The following PALM2AKAP2 variants were observed in gnomAD, a reference collection of about 807,000 sequenced individuals.
The protein encoded by PALM2AKAP2 is PALM2 and AKAP2 fusion.
A neutral mutation model predicts 71.5 loss-of-function variants in PALM2AKAP2; 37 were observed. The observed-to-expected ratio is 0.52, with a 90% CI of 0.40 to 0.68. PALM2AKAP2 has a LOEUF of 0.68. Ranked by LOEUF, PALM2AKAP2 falls within the 30% of genes least tolerant of loss-of-function variation. The pLI, the probability that PALM2AKAP2 is intolerant of heterozygous loss-of-function variation, is 0.00. For missense variants in PALM2AKAP2, 1,224 were observed against 1,191.8 expected (o/e 1.03, Z -0.40); for synonymous variants, 468 against 478.8 (o/e 0.98, Z 0.29).
chr9:109,867,622 A>G, intron 2 of PALM2AKAP2, 51 bp downstream of exon 2: 1 of 1,571,446 alleles, frequency 6.4e-7, no homozygotes, highest in East Asian at 2.3e-5. Flanking sequence ...TGCAGATCAC[A>G]CTCCGGAGAG....
At chr9:109,970,457 G>A (rs1433963568) in intron 6 of PALM2AKAP2, among the ~76,000 whole-genome samples, 2 of 152,220 alleles carry the variant, frequency 1.3e-5, no homozygotes, top group Non-Finnish European at 2.9e-5. Flanking sequence ...GAAATGTGGA[G>A]CTTAGTGAAC....
intron 1 of PALM2AKAP2, among the ~76,000 whole-genome samples, chr9:109,840,215 A>G (rs1170369685): frequency 1.3e-5 from 2 of 152,218 alleles, no homozygotes; most frequent in East Asian, 3.8e-4. Context: ...AATACCACAC[A>G]TATGCAACCA....
chr9:109,732,635 G>A (rs868372107), intron 1 of PALM2AKAP2, among the ~76,000 whole-genome samples: 2 of 152,130 alleles, frequency 1.3e-5, no homozygotes, highest in South Asian at 2.1e-4. Context: ...CTGATGATAC[G>A]GTGATTACCT....
At chr9:109,766,819 A>G (rs1024730526) in intron 1 of PALM2AKAP2, among the ~76,000 whole-genome samples, 1 of 152,162 alleles carries the variant, frequency 6.6e-6, no homozygotes, top group Non-Finnish European at 1.5e-5. Flanking sequence ...CAGTTTACCC[A>G]GGATAAAATT....
chr9:109,643,172 T>C (rs1827097676), intron 1 of PALM2AKAP2, among the ~76,000 whole-genome samples: 1 of 151,976 alleles, frequency 6.6e-6, no homozygotes, highest in African/African-American at 2.4e-5. Flanking sequence ...GTAACATAAT[T>C]CCCAAGATAC....
At chr9:109,932,051 C>T (rs186559507) in intron 6 of PALM2AKAP2, 23 bp downstream of exon 6, 70 of 1,603,238 alleles carry the variant, frequency 4.4e-5, no homozygotes, top group Admixed American at 3.5e-4. Context: ...GACCTTTGGA[C>T]GCTAGGATGG....
rs72323941 is a variant in PALM2AKAP2, at chr9:109,742,251, TCACACACACACACACACACACA to T, written c.6-38207_6-38186del. Among the ~76,000 whole-genome samples the T allele has an allele frequency of 9.4e-3, 1,371 of 145,498 alleles. 21 individuals are homozygous for T. Among genetic ancestry groups the T allele is most frequent in the African/African-American group, 0.032 (1,257 of 39,288 alleles). ...GTACAAATGAGTACATGTGATGTAT[TCACACACACACACACACACACA>T]CACACACACACACACACACACACAC... On this transcript the variant is annotated intron_variant, in intron 1 of 6. Transcript: ENST00000374531.
intron 1 of PALM2AKAP2, among the ~76,000 whole-genome samples, chr9:109,789,269 C>T (rs1827046473): frequency 6.6e-6 from 1 of 152,174 alleles, no homozygotes; most frequent in Non-Finnish European, 1.5e-5. Flanking sequence ...ATGAAGACAT[C>T]AAATAGCAGA....
intron 1 of PALM2AKAP2, among the ~76,000 whole-genome samples, chr9:109,863,465 T>A (rs1829367305): frequency 6.6e-6 from 1 of 152,066 alleles, no homozygotes; most frequent in Non-Finnish European, 1.5e-5. Context: ...ACTGCATGTG[T>A]TTGAGTTTGG....
chr9:109,909,550 T>G (rs1000884859), intron 3 of PALM2AKAP2, among the ~76,000 whole-genome samples: 1 of 152,106 alleles, frequency 6.6e-6, no homozygotes, highest in Non-Finnish European at 1.5e-5. Context: ...GATGAAAAAG[T>G]GATGGTAATT....
At chr9:110,005,643 G>A (rs1297389418) in intron 6 of PALM2AKAP2, among the ~76,000 whole-genome samples, 2 of 152,214 alleles carry the variant, frequency 1.3e-5, no homozygotes, top group Non-Finnish European at 2.9e-5. Context: ...ACAGAGGCAG[G>A]CAGGCCTCCT....
At chr9:109,699,861 C>T (rs957869615) in intron 1 of PALM2AKAP2, among the ~76,000 whole-genome samples, 11 of 152,056 alleles carry the variant, frequency 7.2e-5, no homozygotes, top group South Asian at 6.2e-4. Flanking sequence ...CTGCAACCTC[C>T]GCCTCCCGGG....
intron 6 of PALM2AKAP2, among the ~76,000 whole-genome samples, chr9:110,010,987 ACT>A (rs1231921343): frequency 2.0e-5 from 2 of 101,692 alleles, no homozygotes; most frequent in Non-Finnish European, 3.8e-5. Flanking sequence ...CAAGAGCGAA[ACT>A]CTGTCTCAAA....
intron 1 of PALM2AKAP2, among the ~76,000 whole-genome samples, chr9:109,851,209 CAAAA>C (rs56938333): frequency 0.011 from 1,603 of 144,980 alleles, 26 homozygotes; most frequent in African/African-American, 0.036. Context: ...ACAACAACAA[CAAAA>C]AAAAAAAAAC....
At chr9:109,822,830 T>C (rs1308740797) in intron 1 of PALM2AKAP2, among the ~76,000 whole-genome samples, 1 of 152,194 alleles carries the variant, frequency 6.6e-6, no homozygotes, top group Non-Finnish European at 1.5e-5. Context: ...GATGAACATA[T>C]GTGTGCATGT....
rs141025452 is a variant in PALM2AKAP2, at chr9:109,703,768, G to A, written c.5+62902G>A. The stretch of plus-strand genomic sequence containing the variant: ...CTTTAGATATATCAGTTTAATATTT[G>A]TTAATGATGGGCAGGTACTGAGGTA... On this transcript the variant is annotated intron_variant, in intron 1 of 6. Coordinates refer to the PALM2AKAP2 transcript ENST00000374531. Among the ~76,000 whole-genome samples, 456 of 152,148 alleles carry A rather than the reference G, an allele frequency of 3.0e-3. 5 individuals carry two copies. Among genetic ancestry groups the A allele is most frequent in the Non-Finnish European group, 4.8e-3 (325 of 67,954 alleles).
intron 1 of PALM2AKAP2, among the ~76,000 whole-genome samples, chr9:110,095,152 T>C (rs984867293): frequency 2.0e-5 from 3 of 152,218 alleles, no homozygotes; most frequent in African/African-American, 7.2e-5. Context: ...CTGGGCTTTT[T>C]TTCTTATGCC....
chr9:109,967,839 A>T (rs979210620), intron 6 of PALM2AKAP2, among the ~76,000 whole-genome samples: 2 of 152,322 alleles, frequency 1.3e-5, no homozygotes, highest in Non-Finnish European at 2.9e-5. Flanking sequence ...GGGAAAGTTG[A>T]CTTTGTTGTG....
chr9:110,016,654 A>T (rs928042245), intron 7 of PALM2AKAP2, among the ~76,000 whole-genome samples: 8 of 152,222 alleles, frequency 5.3e-5, no homozygotes, highest in Non-Finnish European at 8.8e-5. Context: ...AATCTGTAGC[A>T]AAAGTTATCA....
Sources: allele counts gnomAD v4.1 joint callset (sites outside exome capture counted in the v4.1 genomes callset), GRCh38; gene constraint gnomAD v4.1.1; transcripts MANE v1.5; gene names NCBI Gene and HGNC (gene_info 2026-07-23, HGNC 2026-07-21).